Variants in MECOM observed in about 807,000 individuals in gnomAD.
MECOM encodes the protein histone-lysine N-methyltransferase MECOM.
Under a neutral mutation model 116.3 loss-of-function variants are expected in MECOM, and 13 were observed. The observed-to-expected ratio is 0.11, with a 90% CI of 0.07 to 0.18. The LOEUF (loss-of-function observed/expected upper bound fraction) is 0.18. Among genes scored for constraint, MECOM ranks in the 10% least tolerant of loss-of-function variants. MECOM has a pLI of 1.00. For missense variants in MECOM, 1,299 were observed against 1,509.0 expected, an observed-to-expected ratio of 0.86 and a Z score of 2.31; for synonymous variants, 528 against 535.2, an observed-to-expected ratio of 0.99 and a Z score of 0.19.
At chr3:169,379,099 T>G (rs1005093095) in intron 2 of MECOM, among the ~76,000 whole-genome samples, 2 of 151,836 alleles carry the variant, frequency 1.3e-5, no homozygotes, top group Admixed American at 6.6e-5. Flanking sequence ...TGAGATGCCT[T>G]TGAGAAAGTG....
At chr3:169,638,514 T>C (rs1399646550) in intron 1 of MECOM, among the ~76,000 whole-genome samples, 2 of 152,324 alleles carry the variant, frequency 1.3e-5, no homozygotes, top group East Asian at 3.9e-4. Flanking sequence ...AGAGAGGAAC[T>C]TGACGTCTTA....
At chr3:169,613,902 T>C (rs1769607841) in intron 1 of MECOM, 2 of 152,192 alleles carry the variant, frequency 1.3e-5, no homozygotes, top group Admixed American at 1.3e-4. Flanking sequence ...CTTAGCCCCT[T>C]GTTAAAATAC....
chr3:169,259,079 T>C (rs1190250071), intron 2 of MECOM, among the ~76,000 whole-genome samples: 1 of 152,200 alleles, frequency 6.6e-6, no homozygotes, highest in Non-Finnish European at 1.5e-5. Flanking sequence ...TTTCTAGAGC[T>C]GATGCCATTT....
intron 1 of MECOM, among the ~76,000 whole-genome samples, chr3:169,631,861 C>T (rs1169469473): frequency 6.6e-6 from 1 of 151,954 alleles, no homozygotes; most frequent in Non-Finnish European, 1.5e-5. Context: ...CCAAATTACC[C>T]CCATTCTAGT....
intron 1 of MECOM, 116 bp from the exon 2 acceptor site, chr3:169,381,640 A>G: frequency 1.3e-6 from 1 of 763,414 alleles, no homozygotes; most frequent in South Asian, 2.0e-5. Context: ...GACCATTGTT[A>G]CGATGTGCCT....
intron 2 of MECOM, among the ~76,000 whole-genome samples, chr3:169,357,717 A>G (rs1010055728): frequency 4.0e-5 from 6 of 151,842 alleles, no homozygotes; most frequent in Admixed American, 6.6e-5. Flanking sequence ...TATATTAGAT[A>G]GATAATTAAT....
chr3:169,208,325 A>G (rs905694453), intron 2 of MECOM, among the ~76,000 whole-genome samples: 1 of 148,526 alleles, frequency 6.7e-6, no homozygotes, highest in Admixed American at 6.8e-5. Flanking sequence ...ATTATATTAT[A>G]TATATAATGT....
At chr3:169,590,403 T>A (rs1766269240) in intron 1 of MECOM, among the ~76,000 whole-genome samples, 1 of 152,208 alleles carries the variant, frequency 6.6e-6, no homozygotes, top group South Asian at 2.1e-4. Flanking sequence ...CACCGATACA[T>A]GAGCATACCT....
chr3:169,569,420 C>T (rs1043723288), intron 1 of MECOM, among the ~76,000 whole-genome samples: 1 of 152,170 alleles, frequency 6.6e-6, no homozygotes, highest in African/African-American at 2.4e-5. Flanking sequence ...TTAGACAGAT[C>T]TACAAGACAG....
intron 2 of MECOM, among the ~76,000 whole-genome samples, chr3:169,193,668 A>C (rs1025586219): frequency 2.0e-5 from 3 of 151,948 alleles, no homozygotes; most frequent in Admixed American, 6.6e-5. Flanking sequence ...TTAAATAAAA[A>C]ATATTTAATT....
intron 1 of MECOM, among the ~76,000 whole-genome samples, chr3:169,480,479 C>G (rs567186999): frequency 1.3e-5 from 2 of 152,176 alleles, no homozygotes; most frequent in African/African-American, 4.8e-5. Context: ...GCTGCCATTC[C>G]TCTCCTTCTC....
intron 1 of MECOM, among the ~76,000 whole-genome samples, chr3:169,640,986 A>C (rs1397402884): frequency 1.3e-5 from 2 of 152,218 alleles, no homozygotes; most frequent in Non-Finnish European, 2.9e-5. Context: ...TTGGCCACCC[A>C]CCTGAAGCCC....
At chr3:169,236,647 C>A (rs1754103880) in intron 2 of MECOM, among the ~76,000 whole-genome samples, 1 of 151,988 alleles carries the variant, frequency 6.6e-6, no homozygotes, top group Non-Finnish European at 1.5e-5. Context: ...CCTCGAAGAG[C>A]CGTCATCAAA....
intron 1 of MECOM, among the ~76,000 whole-genome samples, chr3:169,405,238 C>T (rs1375195211): frequency 1.3e-5 from 2 of 151,778 alleles, no homozygotes; most frequent in Admixed American, 6.6e-5. Context: ...TCTCTCTTTC[C>T]CTCCCTCCTT....
At chr3:169,558,321 G>A (rs911960558) in intron 1 of MECOM, among the ~76,000 whole-genome samples, 10 of 152,108 alleles carry the variant, frequency 6.6e-5, no homozygotes, top group Admixed American at 5.9e-4. Flanking sequence ...CTTTCAAAAC[G>A]TATTTAGTCT....
At chr3:169,513,253 C>T (rs1175859558) in intron 1 of MECOM, among the ~76,000 whole-genome samples, 2 of 152,216 alleles carry the variant, frequency 1.3e-5, no homozygotes, top group African/African-American at 4.8e-5. Flanking sequence ...TGTATTACTG[C>T]CTTGCTGTTC....
intron 2 of MECOM, chr3:169,149,648 A>AG (rs1244871985): frequency 2.0e-6 from 1 of 503,896 alleles, no homozygotes; most frequent in Admixed American, 2.0e-5. Flanking sequence ...ACTGCAGTCC[A>AG]GGCATGTAGA....
At chr3:169,613,288 G>A (rs1769505015) in intron 1 of MECOM, among the ~76,000 whole-genome samples, 1 of 152,148 alleles carries the variant, frequency 6.6e-6, no homozygotes, top group African/African-American at 2.4e-5. Context: ...GCAGGAGATG[G>A]CTCATCAAAG....
chr3:169,510,965 C>T (rs1464742510), intron 1 of MECOM, among the ~76,000 whole-genome samples: 4 of 152,104 alleles, frequency 2.6e-5, no homozygotes, highest in East Asian at 3.9e-4. Context: ...TAATTCAAAG[C>T]GTTAAAAAAC....
Sources: gnomAD v4.1 joint callset for allele counts (sites outside exome capture counted in the v4.1 genomes callset) on GRCh38, gnomAD v4.1.1 for gene constraint, MANE v1.5 for transcripts, NCBI Gene and HGNC (gene_info 2026-07-23, HGNC 2026-07-21) for gene names.